The following SAAL1 variants were observed in gnomAD, a reference collection of about 807,000 sequenced individuals.
SAAL1 encodes the protein protein SAAL1.
A neutral mutation model predicts 59.8 loss-of-function variants in SAAL1; 42 were observed. The observed-to-expected ratio is 0.70, with a 90% CI of 0.55 to 0.91. The LOEUF (loss-of-function observed/expected upper bound fraction) is 0.91, where lower values mean the gene tolerates loss of function less well. Ranked by LOEUF, SAAL1 falls within the 40% of genes least tolerant of loss-of-function variation. The pLI is 0.00. For missense variants in SAAL1, 542 were observed against 561.1 expected (o/e 0.97, Z 0.34); for synonymous variants, 191 against 194.3 (o/e 0.98, Z 0.14).
chr11:18,096,595 AAAAT>A (rs1848579214), intron 3 of SAAL1, among the ~76,000 whole-genome samples, 172 bp downstream of exon 3: 1 of 152,102 alleles, frequency 6.6e-6, no homozygotes, highest in Admixed American at 6.6e-5. Flanking sequence ...AAAATAAAAT[AAAAT>A]AAATTTAAAT....
chr11:18,096,513 G>A (rs1848578020), intron 3 of SAAL1, among the ~76,000 whole-genome samples: 1 of 152,018 alleles, frequency 6.6e-6, no homozygotes, highest in Non-Finnish European at 1.5e-5. Context: ...AGCCCAGGAG[G>A]TCAAGACTGC....
chr11:18,103,112 G>C, intron 2 of SAAL1, 121 bp downstream of exon 2: 3 of 700,388 alleles, frequency 4.3e-6, no homozygotes, highest in South Asian at 3.3e-5. Context: ...ATCATATATG[G>C]GTGTGATTAC....
At chr11:18,087,109 A>T in intron 8 of SAAL1, 34 bp downstream of exon 8, 1 of 1,592,270 alleles carries the variant, frequency 6.3e-7, no homozygotes, top group South Asian at 1.1e-5. Flanking sequence ...CAATTAAATG[A>T]GTAACTGTAG....
intron 9 of SAAL1, 118 bp from the exon 10 acceptor site, chr11:18,083,849 C>CTTGCTGATGTT: frequency 1.9e-6 from 1 of 523,298 alleles, no homozygotes; most frequent in Non-Finnish European, 3.3e-6. Context: ...CTGGTAACAT[C>CTTGCTGATGTT]AGCAAGATGT....
rs185805190 is a variant in SAAL1 at position 18,104,753 on chromosome 11, G to A, written c.135+1154C>T. ...TGGGGATGGTGAACAGTTCAGAGTT[G>A]ATGGAACACAGTGTATCATGAGAAG... On this transcript the variant is annotated intron_variant, in intron 1 of 11. Coordinates refer to ENST00000524803, the MANE Select transcript of SAAL1 (RefSeq NM_138421.3). Among the ~76,000 whole-genome samples the A allele has an allele frequency of 2.0e-3, 303 of 152,312 alleles. 1 individual carries two copies. Among genetic ancestry groups the A allele is most frequent in the African/African-American group, 7.0e-3 (292 of 41,562 alleles).
intron 9 of SAAL1, among the ~76,000 whole-genome samples, chr11:18,084,940 A>G (rs1848447722): frequency 6.6e-6 from 1 of 152,036 alleles, no homozygotes; most frequent in Admixed American, 6.6e-5. Context: ...TAATTTTTGT[A>G]TTTTTAGCAG....
chr11:18,084,638 A>G (rs61882499), intron 9 of SAAL1, among the ~76,000 whole-genome samples: 1 of 152,186 alleles, frequency 6.6e-6, no homozygotes, highest in Admixed American at 6.5e-5. Flanking sequence ...ACTGTACTCA[A>G]TGCCACCTTC....
chr11:18,097,893 C>T (rs889426192), intron 2 of SAAL1, among the ~76,000 whole-genome samples: 7 of 151,462 alleles, frequency 4.6e-5, no homozygotes, highest in African/African-American at 1.7e-4. Flanking sequence ...GCCTGTAATC[C>T]TAACACTTTG....
intron 4 of SAAL1, 117 bp downstream of exon 4, chr11:18,092,128 G>A (rs577284166): frequency 6.7e-6 from 4 of 593,486 alleles, no homozygotes; most frequent in African/African-American, 5.6e-5. Context: ...CCCACAGAGT[G>A]TTCATCAAGA....
intron 3 of SAAL1, among the ~76,000 whole-genome samples, chr11:18,096,542 C>T (rs1040604563): frequency 6.6e-6 from 1 of 152,038 alleles, no homozygotes; most frequent in African/African-American, 2.4e-5. Context: ...GTGATCACGC[C>T]ACTGCACTCC....
At chr11:18,102,383 T>TA (rs1554904391) in intron 2 of SAAL1, among the ~76,000 whole-genome samples, 6 of 147,602 alleles carry the variant, frequency 4.1e-5, no homozygotes, top group South Asian at 2.1e-4. Flanking sequence ...GCCTAGGTGA[T>TA]AGAGACTCCA....
At chr11:18,089,912 T>C (rs780930502) in intron 6 of SAAL1, among the ~76,000 whole-genome samples, 1 of 152,090 alleles carries the variant, frequency 6.6e-6, no homozygotes, top group Non-Finnish European at 1.5e-5. Context: ...GAGCTGAGCA[T>C]GGCGGTGCAT....
rs983323357 is a variant in SAAL1 at position 18,090,293 on chromosome 11, A to G, written c.474-3T>C. The G allele has an allele frequency of 6.9e-6, 11 of 1,596,792 alleles. No homozygotes were observed. Among genetic ancestry groups the G allele is most frequent in the Non-Finnish European group, 7.7e-6 (9 of 1,175,728 alleles). On this transcript the variant is annotated splice_region_variant and splice_polypyrimidine_tract_variant and intron_variant, in intron 5 of 11. Coordinates refer to ENST00000524803, the MANE Select transcript of SAAL1 (RefSeq NM_138421.3). ...GGGAAAGGCAAGTAAGCAACAACCTACATGGTAAACGTGGGTTGAATTTCT... is the reference window on the plus strand; with the variant it reads ...GGGAAAGGCAAGTAAGCAACAACCTGCATGGTAAACGTGGGTTGAATTTCT...
At chr11:18,101,251 C>T (rs1237441570) in intron 2 of SAAL1, among the ~76,000 whole-genome samples, 3 of 151,302 alleles carry the variant, frequency 2.0e-5, no homozygotes, top group Admixed American at 6.5e-5. Context: ...CATACACCTA[C>T]CGTATGATCC....
At chr11:18,095,918 A>C (rs1848570638) in intron 3 of SAAL1, among the ~76,000 whole-genome samples, 2 of 152,228 alleles carry the variant, frequency 1.3e-5, no homozygotes, top group African/African-American at 4.8e-5. Context: ...AGGCACACAA[A>C]GGGAGGCACG....
intron 6 of SAAL1, 84 bp downstream of exon 6, chr11:18,090,091 G>A: frequency 3.1e-6 from 4 of 1,277,222 alleles, no homozygotes; most frequent in Non-Finnish European, 3.2e-6. Flanking sequence ...TTTTAAAAAG[G>A]TGACTTCTAG....
At chr11:18,088,203 G>A (rs938141613) in intron 7 of SAAL1, among the ~76,000 whole-genome samples, 21 of 152,132 alleles carry the variant, frequency 1.4e-4, no homozygotes, top group African/African-American at 4.6e-4. Context: ...TCCATAAGCT[G>A]TACTTTATTT....
chr11:18,090,004 C>G (rs1228510743), intron 6 of SAAL1, among the ~76,000 whole-genome samples, 171 bp downstream of exon 6: 1 of 152,180 alleles, frequency 6.6e-6, no homozygotes, highest in African/African-American at 2.4e-5. Context: ...GCTATGATCA[C>G]ACTACTGCAC....
chr11:18,085,581 T>G (rs145992435), intron 9 of SAAL1, among the ~76,000 whole-genome samples: 23 of 152,298 alleles, frequency 1.5e-4, no homozygotes, highest in African/African-American at 5.3e-4. Context: ...TGTCAGAAAT[T>G]TTTTGTTTTT....
Sources: allele counts gnomAD v4.1 joint callset (sites outside exome capture counted in the v4.1 genomes callset), GRCh38; gene constraint gnomAD v4.1.1; transcripts MANE v1.5; gene names NCBI Gene and HGNC (gene_info 2026-07-23, HGNC 2026-07-21).